The following CEACAM7 variants were observed in gnomAD, a reference collection of about 807,000 sequenced individuals.
The protein encoded by CEACAM7 is cell adhesion molecule CEACAM7.
CEACAM7 carries 24 observed loss-of-function variants against 25.7 expected under a neutral mutation model. That is an observed-to-expected ratio of 0.93 (90% CI 0.68 to 1.31). CEACAM7 has a LOEUF of 1.31. CEACAM7 is among the 40% of genes most tolerant of loss of function. The pLI is 0.00. For missense variants in CEACAM7, 324 were observed against 330.1 expected, an observed-to-expected ratio of 0.98 and a Z score of 0.14; for synonymous variants, 144 against 129.4, an observed-to-expected ratio of 1.11 and a Z score of -0.77.
rs781999856 is a variant in CEACAM7, at chr19:41,687,102, G to C, written c.184C>G (p.Leu62Val). The part of the protein sequence containing the change: ...LLVVHNESQN[L>V]YGYNWYKGER... Reference sequence around the variant, plus strand: ...CCTTTGTACCAGTTGTAGCCATAAAGATTCTGGGACTCATTATGGACTACT... The same window carrying C: ...CCTTTGTACCAGTTGTAGCCATAAACATTCTGGGACTCATTATGGACTACT... Residue 62 changes from leucine (L) to valine (V), a missense_variant, in exon 2 of 5, where the codon CTT becomes GTT. By Grantham distance (32) the Leu-to-Val change is conservative (BLOSUM62 1). Coordinates refer to ENST00000401731, the MANE Select transcript of CEACAM7 (RefSeq NM_001291485.2). 2 of 1,614,114 alleles carry C rather than the reference G, an allele frequency of 1.2e-6. No individual in the cohort carries two copies. The highest frequency in any genetic ancestry group is 2.2e-5 in the East Asian group (1 of 44,886).
rs986938538 is a variant in CEACAM7, at chr19:41,687,293, C to T, written c.65-72G>A. 1.3e-5 allele frequency: 19 copies of T among 1,479,734 alleles called. No individual in the cohort carries two copies. The East Asian group carries it at 4.3e-4, about 34-fold the overall frequency. 91.7% of individuals were successfully genotyped at this position (1,479,734 alleles called of 1,614,324 possible). A position where few individuals can be genotyped will look rare whatever the true frequency, so the allele number is the denominator to read the frequency against. ...GGGTGGAAAGATGGGGCCCTGGATC[C>T]TGAGCAGGTCTCTTCACCCACCCCC... On this transcript the variant is annotated intron_variant, in intron 1 of 4. Coordinates refer to ENST00000401731, the MANE Select transcript of CEACAM7 (RefSeq NM_001291485.2).
intron 4 of CEACAM7, among the ~76,000 whole-genome samples, chr19:41,675,710 A>G (rs562486690): frequency 6.6e-5 from 10 of 152,224 alleles, no homozygotes; most frequent in Non-Finnish European, 1.5e-4. Context: ...TTAAGATGGC[A>G]ATGGTTAAAA....
intron 4 of CEACAM7, among the ~76,000 whole-genome samples, chr19:41,676,840 G>A (rs1328057021): frequency 6.6e-6 from 1 of 152,142 alleles, no homozygotes; most frequent in African/African-American, 2.4e-5. Context: ...AGGATGTATA[G>A]GAAGACAGAT....
chr19:41,683,042 A>T (rs2072190738), intron 3 of CEACAM7, among the ~76,000 whole-genome samples: 1 of 152,170 alleles, frequency 6.6e-6, no homozygotes, highest in South Asian at 2.1e-4. Context: ...GCTTGTGCCC[A>T]TGGGACACAG....
rs782084476 is a variant in CEACAM7 at position 41,677,534 on chromosome 19, G to A, written c.707-31C>T. The A allele has an allele frequency of 1.7e-5, 27 of 1,550,810 alleles. No individual in the cohort carries two copies. In the Admixed American group the frequency reaches 4.4e-4, roughly 25 times the overall value. ...ATGGAAAGAAAAGAGAAGGAATGAA[G>A]TTGATCTTATTTTACAGGGAAGTCC... On this transcript the variant is annotated intron_variant, in intron 3 of 4. Coordinates refer to ENST00000401731, the MANE Select transcript of CEACAM7 (RefSeq NM_001291485.2).
Position 41,688,220 on chromosome 19 carries a change from T to G in CEACAM7, c.-55A>C. Reference sequence around the variant, plus strand: ...AGAAGAGCTTGGGCTCCAGGAACTCTCTTGTCAGGGCTGCTGTGACTGTCA... The same window carrying G: ...AGAAGAGCTTGGGCTCCAGGAACTCGCTTGTCAGGGCTGCTGTGACTGTCA... On this transcript the variant is annotated 5_prime_UTR_variant, in exon 1 of 5. Coordinates refer to ENST00000401731, the MANE Select transcript of CEACAM7 (RefSeq NM_001291485.2). The G allele has an allele frequency of 6.3e-7, 1 of 1,589,832 alleles. No individual in the cohort carries two copies. The highest frequency in any genetic ancestry group is 8.6e-7 in the Non-Finnish European group (1 of 1,167,542).
In CEACAM7 at chr19:41,684,016, C is replaced by T. The variant is rs782809979; in HGVS notation, c.475G>A (p.Glu159Lys). 49 of 1,614,054 alleles carry T rather than the reference C, an allele frequency of 3.0e-5. No homozygotes were observed. Among genetic ancestry groups the T allele is most frequent in the Non-Finnish European group, 4.1e-5 (48 of 1,180,030 alleles). Residue 159 changes from glutamate to lysine, a missense_variant, in exon 3 of 5, where the codon GAG (glutamate) becomes AAG (lysine). By Grantham distance (56) the Glu-to-Lys change is moderately conservative (BLOSUM62 1). Transcript: ENST00000401731. ...SITSNNFNPV[E>K]NKDIVVLTCQ... ...GTTAAAACCACAATATCTTTGTTCTCCACCGGATTGAAGTTGTTGCTGGTG... is the reference window on the plus strand; with the variant it reads ...GTTAAAACCACAATATCTTTGTTCTTCACCGGATTGAAGTTGTTGCTGGTG...
At chr19:41,677,284 C>A in intron 4 of CEACAM7, 92 bp downstream of exon 4, 2 of 661,688 alleles carry the variant, frequency 3.0e-6, no homozygotes, top group South Asian at 1.9e-5. Context: ...GAGATCTAGT[C>A]CCAGATACAG....
In CEACAM7 at chr19:41,683,999, C is replaced by T. The variant is rs782521211; in HGVS notation, c.492G>A (p.Val164=). The T allele has an allele frequency of 6.2e-7, 1 of 1,614,142 alleles. No individual in the cohort carries two copies. Reference sequence around the variant, plus strand: ...GAGTCTCAGGTTGACAGGTTAAAACCACAATATCTTTGTTCTCCACCGGAT... The same window carrying T: ...GAGTCTCAGGTTGACAGGTTAAAACTACAATATCTTTGTTCTCCACCGGAT... The part of the protein sequence containing the change: ...NFNPVENKDI[V]VLTCQPETQN... Residue 164 remains valine, a synonymous_variant, in exon 3 of 5, where the codon GTG becomes GTA. Coordinates refer to ENST00000401731, the MANE Select transcript of CEACAM7 (RefSeq NM_001291485.2).
At position 41,680,199 on chromosome 19, in the gene CEACAM7, C is replaced by A. The variant is rs571314852; in HGVS notation, c.707-2696G>T. Among the ~76,000 whole-genome samples, 17 of 151,532 alleles carry A rather than the reference C, an allele frequency of 1.1e-4. No homozygotes were observed. In the South Asian group the frequency reaches 3.5e-3, roughly 32 times the overall value. ...GAAAAAAATTGATTCACATTATCATCAAAAAGAATAAAGTTCTTAGGAATA... is the reference window on the plus strand; with the variant it reads ...GAAAAAAATTGATTCACATTATCATAAAAAAGAATAAAGTTCTTAGGAATA... On this transcript the variant is annotated intron_variant, in intron 3 of 4. Transcript: ENST00000401731.
At chr19:41,687,505 A>C (rs1011864230) in intron 1 of CEACAM7, among the ~76,000 whole-genome samples, 1 of 152,128 alleles carries the variant, frequency 6.6e-6, no homozygotes, top group Non-Finnish European at 1.5e-5. Flanking sequence ...CCCTTCCCTG[A>C]CACCTTCTCT....
intron 3 of CEACAM7, among the ~76,000 whole-genome samples, chr19:41,679,968 A>ATTTTTTTT (rs35163344): frequency 2.2e-4 from 15 of 68,880 alleles, no homozygotes; most frequent in African/African-American, 7.8e-4. Flanking sequence ...CACCTGGCTA[A>ATTTTTTTT]TTTTTTTTTT....
chr19:41,675,359 A>C (rs1040730524), intron 4 of CEACAM7, among the ~76,000 whole-genome samples: 19 of 152,214 alleles, frequency 1.2e-4, no homozygotes, highest in African/African-American at 4.6e-4. Flanking sequence ...TAAAAGAAAA[A>C]TATTCCTTCA....
At chr19:41,681,466 A>G (rs1425363643) in intron 3 of CEACAM7, among the ~76,000 whole-genome samples, 2 of 152,190 alleles carry the variant, frequency 1.3e-5, no homozygotes, top group Non-Finnish European at 2.9e-5. Flanking sequence ...CTTTGAAAAG[A>G]TATTTATACA....
intron 4 of CEACAM7, among the ~76,000 whole-genome samples, chr19:41,676,927 A>T (rs1199757739): frequency 6.6e-6 from 1 of 152,164 alleles, no homozygotes; most frequent in African/African-American, 2.4e-5. Context: ...AAGAAATGTG[A>T]ACTTATCTAA....
rs2072092766 is a variant in CEACAM7, at chr19:41,674,309, A to C, written c.*467T>G. ...GGCAGAATAAAGGATCCCTTAGGTC[A>C]AATATTTGGGTTTGACATGATGACA... On this transcript the variant is annotated 3_prime_UTR_variant, in exon 5 of 5. Coordinates refer to ENST00000401731, the MANE Select transcript of CEACAM7 (RefSeq NM_001291485.2). The C allele has an allele frequency of 6.5e-6, 1 of 152,944 alleles. No homozygotes were observed. The highest frequency in any genetic ancestry group is 1.5e-5 in the Non-Finnish European group (1 of 68,510). The allele number at this position is 152,944 out of a possible 1,614,324, so 9.5% of individuals were successfully genotyped here.
chr19:41,686,499 A>G (rs1197523617), intron 2 of CEACAM7, among the ~76,000 whole-genome samples: 1 of 152,140 alleles, frequency 6.6e-6, no homozygotes, highest in Non-Finnish European at 1.5e-5. Context: ...TTGTGCTTCC[A>G]GGGCTGAGCT....
At chr19:41,683,674 C>T in intron 3 of CEACAM7, 111 bp downstream of exon 3, 1 of 1,480,806 alleles carries the variant, frequency 6.8e-7, no homozygotes. Context: ...GCCTGGGTGC[C>T]TAGAGGTGAG....
chr19:41,686,916 G>C lies in CEACAM7; in HGVS notation c.370C>G (p.His124Asp). Residue 124 changes from histidine (H) to aspartate (D), a missense_variant, in exon 2 of 5, where the codon CAC (histidine) becomes GAC (aspartate). His to Asp is a moderately conservative substitution (Grantham distance 81, BLOSUM62 -1). Transcript: ENST00000401731. ...THNDAGIYTL[H>D]VIKENLVNEE... ...TTCACAAGATTTTCTTTTATAACGT[G>C]TAGGGTATAGATTCCTGCGTCATTG... The C allele has an allele frequency of 6.4e-7, 1 of 1,569,076 alleles. No individual in the cohort carries two copies. The highest frequency in any genetic ancestry group is 2.2e-5 in the East Asian group (1 of 44,642).
Sources: allele counts gnomAD v4.1 joint callset (sites outside exome capture counted in the v4.1 genomes callset), GRCh38; gene constraint gnomAD v4.1.1; transcripts MANE v1.5; gene names NCBI Gene and HGNC (gene_info 2026-07-23, HGNC 2026-07-21).